SLC24A2: variants seen among roughly 807,000 people sequenced by gnomAD.
SLC24A2 encodes solute carrier family 24 member 2, also known as sodium/potassium/calcium exchanger 2.
Under a neutral mutation model 62.0 loss-of-function variants are expected in SLC24A2, and 36 were observed. That is an observed-to-expected ratio of 0.58 (90% CI 0.44 to 0.77). SLC24A2 has a LOEUF of 0.77. Among genes scored for constraint, SLC24A2 ranks in the 30% least tolerant of loss-of-function variants. The pLI, the probability that SLC24A2 is intolerant of heterozygous loss-of-function variation, is 0.00. For missense variants in SLC24A2, 846 were observed against 817.9 expected (o/e 1.03, Z -0.42); for synonymous variants, 358 against 294.0 (o/e 1.22, Z -2.23).
chr9:19,907,060 C>T, the SLC24A2 span, among the ~76,000 whole-genome samples: 59 of 152,216 alleles, frequency 3.9e-4, 1 homozygote, highest in Non-Finnish European at 1.6e-4. Flanking sequence ...TGATGAACAT[C>T]GATGCAAAAA....
chr9:20,192,214 T>C, the SLC24A2 span, among the ~76,000 whole-genome samples: 13 of 152,254 alleles, frequency 8.5e-5, no homozygotes, highest in East Asian at 2.5e-3. Flanking sequence ...AGCCAGAAGT[T>C]AATCAGGAAA....
At chr9:19,671,778 T>TGGCACGA (rs1443301094) in intron 2 of SLC24A2, among the ~76,000 whole-genome samples, 4 of 148,092 alleles carry the variant, frequency 2.7e-5, no homozygotes, top group South Asian at 2.1e-4. Context: ...ATGCTGGATT[T>TGGCACGA]TGTCAAATGC....
chr9:20,060,199 G>T, the SLC24A2 span, among the ~76,000 whole-genome samples: 1 of 152,030 alleles, frequency 6.6e-6, no homozygotes, highest in African/African-American at 2.4e-5. Context: ...AGGACCAGAT[G>T]GCTTTGCTGG....
intron 7 of SLC24A2, among the ~76,000 whole-genome samples, chr9:19,557,118 T>G (rs948438504): frequency 2.0e-5 from 3 of 152,134 alleles, no homozygotes; most frequent in African/African-American, 7.2e-5. Context: ...CAACCCTGAG[T>G]AACCCCTAAG....
the SLC24A2 span, among the ~76,000 whole-genome samples, chr9:20,106,855 T>C: frequency 1.5e-4 from 23 of 152,104 alleles, no homozygotes; most frequent in East Asian, 3.9e-4. Context: ...CCAGGGCAAT[T>C]AGGCAGGAGA....
At chr9:19,860,561 G>T in the SLC24A2 span, among the ~76,000 whole-genome samples, 4 of 152,086 alleles carry the variant, frequency 2.6e-5, no homozygotes, top group Non-Finnish European at 5.9e-5. Context: ...GAGAAAAGTG[G>T]AGGGGAAAGT....
At chr9:19,593,187 C>T (rs1373726268) in intron 5 of SLC24A2, among the ~76,000 whole-genome samples, 2 of 152,200 alleles carry the variant, frequency 1.3e-5, no homozygotes, top group East Asian at 1.9e-4. Context: ...AAGATGCCTT[C>T]CACTGGGCTG....
the SLC24A2 span, among the ~76,000 whole-genome samples, chr9:20,200,152 T>A: frequency 6.6e-6 from 1 of 152,052 alleles, no homozygotes; most frequent in African/African-American, 2.4e-5. Flanking sequence ...TTGTGTTTAA[T>A]CTTCATAATA....
At chr9:20,143,612 T>C in the SLC24A2 span, among the ~76,000 whole-genome samples, 1 of 152,196 alleles carries the variant, frequency 6.6e-6, no homozygotes, top group Non-Finnish European at 1.5e-5. Flanking sequence ...ATTAAATACA[T>C]GAGTGTTTAT....
the SLC24A2 span, among the ~76,000 whole-genome samples, chr9:20,260,368 A>C: frequency 1.3e-5 from 2 of 152,240 alleles, no homozygotes; most frequent in African/African-American, 2.4e-5. Context: ...CAGCAGCAAC[A>C]GTGGACTAAG....
At chr9:19,728,680 A>T (rs1222621406) in intron 2 of SLC24A2, among the ~76,000 whole-genome samples, 1 of 152,018 alleles carries the variant, frequency 6.6e-6, no homozygotes, top group African/African-American at 2.4e-5. Flanking sequence ...AACATTTTAC[A>T]TCCAAAAACA....
At chr9:20,099,018 A>C in the SLC24A2 span, among the ~76,000 whole-genome samples, 2 of 152,342 alleles carry the variant, frequency 1.3e-5, no homozygotes, top group South Asian at 4.1e-4. Flanking sequence ...CATTATGCAG[A>C]TGGTAATGTA....
At chr9:19,687,654 T>C (rs1008508411) in intron 2 of SLC24A2, among the ~76,000 whole-genome samples, 2 of 152,094 alleles carry the variant, frequency 1.3e-5, no homozygotes, top group African/African-American at 4.8e-5. Context: ...GTTTGGGGTT[T>C]TACCTTTACA....
the SLC24A2 span, among the ~76,000 whole-genome samples, chr9:19,835,512 A>G: frequency 2.6e-5 from 4 of 152,244 alleles, no homozygotes; most frequent in Non-Finnish European, 4.4e-5. Context: ...GATCAATTCA[A>G]CAAGAAGACC....
chr9:19,814,110 T>C, the SLC24A2 span, among the ~76,000 whole-genome samples: 1 of 152,198 alleles, frequency 6.6e-6, no homozygotes, highest in African/African-American at 2.4e-5. Flanking sequence ...TGGTTCTTAT[T>C]GGGAATATTG....
At chr9:20,176,360 T>C in the SLC24A2 span, among the ~76,000 whole-genome samples, 54,491 of 151,962 alleles carry the variant, frequency 0.36, 11,300 homozygotes, top group East Asian at 0.72. Context: ...ATGAATCAGA[T>C]AGTAAATCAT....
At chr9:20,053,721 C>T in the SLC24A2 span, among the ~76,000 whole-genome samples, 1 of 152,224 alleles carries the variant, frequency 6.6e-6, no homozygotes, top group African/African-American at 2.4e-5. Context: ...GTTTATGAAC[C>T]AGGAAGCAGG....
At chr9:19,701,455 C>T (rs1277637842) in intron 2 of SLC24A2, among the ~76,000 whole-genome samples, 2 of 152,166 alleles carry the variant, frequency 1.3e-5, no homozygotes, top group Non-Finnish European at 2.9e-5. Context: ...CTCCCCCGCA[C>T]TTTGGGTGGA....
chr9:19,556,574 C>G (rs1835096672), intron 7 of SLC24A2, among the ~76,000 whole-genome samples: 1 of 152,026 alleles, frequency 6.6e-6, no homozygotes, highest in South Asian at 2.1e-4. Context: ...GGAGGATCAC[C>G]CAGGTTTGCC....
Sources: allele counts gnomAD v4.1 joint callset (sites outside exome capture counted in the v4.1 genomes callset), GRCh38; gene constraint gnomAD v4.1.1; transcripts MANE v1.5; gene names NCBI Gene and HGNC (gene_info 2026-07-23, HGNC 2026-07-21).